RIMS1: variants seen among roughly 807,000 people sequenced by gnomAD.
RIMS1 encodes regulating synaptic membrane exocytosis 1.
A neutral mutation model predicts 214.1 loss-of-function variants in RIMS1; 83 were observed. The ratio of observed to expected loss-of-function variants is 0.39; its 90% CI spans 0.32 to 0.47. RIMS1 has a LOEUF of 0.47. RIMS1 is among the 20% of genes least tolerant of loss of function. The probability of loss-of-function intolerance (pLI) is 0.99; values close to 1 mark genes in which losing one functional copy is unlikely to be tolerated. For synonymous variants in RIMS1, 793 were observed against 786.8 expected (o/e 1.01, Z -0.13); for missense variants, 2,050 against 2,161.8 (o/e 0.95, Z 1.03).
intron 4 of RIMS1, among the ~76,000 whole-genome samples, chr6:72,140,320 G>T (rs2041929105): frequency 1.3e-5 from 2 of 152,034 alleles, no homozygotes; most frequent in African/African-American, 4.8e-5. Context: ...AGTAGTAACA[G>T]AATTAAAAAT....
chr6:71,942,054 A>G (rs1161363856), intron 1 of RIMS1, among the ~76,000 whole-genome samples: 1 of 152,126 alleles, frequency 6.6e-6, no homozygotes, highest in African/African-American at 2.4e-5. Context: ...TTCTAGTACT[A>G]TGCTTTAGAA....
intron 26 of RIMS1, among the ~76,000 whole-genome samples, chr6:72,293,537 C>T (rs1049202318): frequency 6.6e-6 from 1 of 151,860 alleles, no homozygotes; most frequent in African/African-American, 2.4e-5. Context: ...GTTACAAACT[C>T]GGTCTTACCG....
chr6:71,942,549 A>G (rs1290039901), intron 1 of RIMS1, among the ~76,000 whole-genome samples: 1 of 152,142 alleles, frequency 6.6e-6, no homozygotes, highest in Non-Finnish European at 1.5e-5. Context: ...TATTATGGTT[A>G]TAGTTTTATG....
intron 4 of RIMS1, among the ~76,000 whole-genome samples, chr6:72,101,813 C>T (rs993746742): frequency 6.6e-6 from 1 of 151,810 alleles, no homozygotes; most frequent in African/African-American, 2.4e-5. Flanking sequence ...TCCATATCAG[C>T]AATATTTTAT....
At chr6:72,187,186 G>T (rs2049259539) in intron 6 of RIMS1, among the ~76,000 whole-genome samples, 1 of 151,838 alleles carries the variant, frequency 6.6e-6, no homozygotes, top group Non-Finnish European at 1.5e-5. Flanking sequence ...GAGGAATGAA[G>T]GAAGGAAGGA....
Position 71,964,521 on chromosome 6 carries a change from G to C in RIMS1, c.165-4462G>C, listed in dbSNP as rs138494766. Among the ~76,000 whole-genome samples, 494 of 152,266 alleles carry C rather than the reference G, an allele frequency of 3.2e-3. 2 individuals are homozygous for C. Among genetic ancestry groups the C allele is most frequent in the Non-Finnish European group, 5.9e-3 (404 of 68,026 alleles). ...GCAATAGTGGAGGGGCTGATAAGTG[G>C]TCAAATTCTACATAAATTTAGAAAA... On this transcript the variant is annotated intron_variant, in intron 1 of 33. Transcript: ENST00000521978.
intron 1 of RIMS1, among the ~76,000 whole-genome samples, chr6:71,947,605 A>G (rs980951971): frequency 6.6e-6 from 1 of 152,080 alleles, no homozygotes; most frequent in Non-Finnish European, 1.5e-5. Context: ...GATAGGAGCA[A>G]TAAGTTTAAG....
chr6:72,063,817 T>C (rs1412788385), intron 2 of RIMS1, among the ~76,000 whole-genome samples: 1 of 152,226 alleles, frequency 6.6e-6, no homozygotes, highest in Non-Finnish European at 1.5e-5. Flanking sequence ...TTGCTAGGGC[T>C]GCTGTAACAA....
At position 71,887,170 on chromosome 6, in the gene RIMS1, A is replaced by G; in HGVS notation, c.147A>G (p.Lys49=). 3 of 1,609,644 alleles carry G rather than the reference A, an allele frequency of 1.9e-6. No individual in the cohort carries two copies. Among genetic ancestry groups the G allele is most frequent in the Non-Finnish European group, 1.7e-6 (2 of 1,178,088 alleles). The stretch of plus-strand genomic sequence containing the variant: ...ACCGGCAGAAGGAAGAGGAGGAAAA[A>G]GAAGAAGCCATGCTCAAGTAAGCCA... The part of the protein sequence containing the change: ...VMDRQKEEEE[K]EEAMLKCVVR... The change falls in exon 1 of 34, where the codon AAA becomes AAG. Residue 49 remains lysine (K), a synonymous_variant. Coordinates refer to ENST00000521978, the MANE Select transcript of RIMS1 (RefSeq NM_014989.7).
chr6:72,039,606 C>A (rs1351419757), intron 2 of RIMS1, among the ~76,000 whole-genome samples: 2 of 152,034 alleles, frequency 1.3e-5, no homozygotes, highest in South Asian at 4.1e-4. Flanking sequence ...CCTCTGCCTC[C>A]CAAGCACCAA....
chr6:72,202,739 T>C (rs1000686525), intron 6 of RIMS1, among the ~76,000 whole-genome samples: 1 of 152,218 alleles, frequency 6.6e-6, no homozygotes, highest in African/African-American at 2.4e-5. Flanking sequence ...TATTGAGCAG[T>C]TGCTTTATGA....
At chr6:72,368,593 T>C (rs2098121028) in intron 29 of RIMS1, among the ~76,000 whole-genome samples, 1 of 152,076 alleles carries the variant, frequency 6.6e-6, no homozygotes, top group Admixed American at 6.6e-5. Context: ...GTTAATGTTA[T>C]AAGTTTTAGT....
At chr6:71,972,260 C>T (rs147230603) in intron 2 of RIMS1, among the ~76,000 whole-genome samples, 1 of 152,174 alleles carries the variant, frequency 6.6e-6, no homozygotes, top group East Asian at 1.9e-4. Context: ...ATATAGAGGC[C>T]ATTGGTGGCA....
At chr6:71,968,852 C>G in intron 1 of RIMS1, 131 bp from the exon 2 acceptor site, 1 of 889,220 alleles carries the variant, frequency 1.1e-6, no homozygotes, top group East Asian at 2.6e-5. Context: ...TGCTGGGGCC[C>G]CAAGGTTAAT....
chr6:72,089,596 C>G (rs1663897931), intron 2 of RIMS1, among the ~76,000 whole-genome samples: 1 of 151,964 alleles, frequency 6.6e-6, no homozygotes, highest in African/African-American at 2.4e-5. Context: ...TACAGACATG[C>G]ACCACCATGC....
chr6:72,070,307 A>G (rs1830293784), intron 2 of RIMS1, among the ~76,000 whole-genome samples: 1 of 152,188 alleles, frequency 6.6e-6, no homozygotes, highest in African/African-American at 2.4e-5. Flanking sequence ...CCTTTTATTC[A>G]TATAATCATA....
intron 24 of RIMS1, among the ~76,000 whole-genome samples, chr6:72,287,026 TGATAA>T (rs764149368): frequency 6.6e-6 from 1 of 152,210 alleles, no homozygotes; most frequent in African/African-American, 2.4e-5. Flanking sequence ...GGAAGCTTCT[TGATAA>T]GATAAAAGTC....
intron 6 of RIMS1, among the ~76,000 whole-genome samples, chr6:72,189,606 C>A (rs529472405): frequency 6.6e-6 from 1 of 152,312 alleles, no homozygotes; most frequent in East Asian, 1.9e-4. Context: ...GCTGGCTGAT[C>A]ACCCCAAGGA....
intron 28 of RIMS1, among the ~76,000 whole-genome samples, chr6:72,315,824 A>G (rs1593145098): frequency 6.6e-6 from 1 of 152,202 alleles, no homozygotes; most frequent in Non-Finnish European, 1.5e-5. Context: ...TAAAAGCATC[A>G]AAGTCCTGTG....
Sources: gnomAD v4.1 joint callset for allele counts (sites outside exome capture counted in the v4.1 genomes callset) on GRCh38, gnomAD v4.1.1 for gene constraint, MANE v1.5 for transcripts, NCBI Gene and HGNC (gene_info 2026-07-23, HGNC 2026-07-21) for gene names.